Variants in STX17 observed in about 807,000 individuals in gnomAD.
The protein encoded by STX17 is syntaxin 17.
In STX17, 29 loss-of-function variants were observed where a neutral mutation model predicts 35.9. The ratio of observed to expected loss-of-function variants is 0.81; its 90% confidence interval spans 0.60 to 1.10. The LOEUF is 1.10. Ranked by LOEUF, STX17 falls within the 50% of genes least tolerant of loss-of-function variation. The pLI, the probability that STX17 is intolerant of heterozygous loss-of-function variation, is 0.00. For missense variants in STX17, 312 were observed against 352.3 expected, an observed-to-expected ratio of 0.89 and a Z score of 0.92; for synonymous variants, 92 against 118.3, an observed-to-expected ratio of 0.78 and a Z score of 1.44.
chr9:99,968,392 T>A, intron 7 of STX17, 42 bp from the exon 8 acceptor site: 1 of 1,518,446 alleles, frequency 6.6e-7, no homozygotes, highest in South Asian at 1.4e-5. Context: ...AGGCAGATAT[T>A]CTCAACTCAG....
In STX17 at chr9:99,951,113, G is replaced by C; in HGVS notation, c.243G>C (p.Lys81Asn). 1.2e-6 allele frequency: 2 copies of C among 1,612,576 alleles called. No homozygotes were observed. Among genetic ancestry groups the C allele is most frequent in the Non-Finnish European group, 1.7e-6 (2 of 1,178,960 alleles). ...EIEKLCLKVR[K>N]DDLVLLKRMI... ...AGAAACTTTGTTTGAAAGTCCGAAA[G>C]GATGACCTAGTACTTCTGAAGAGAA... is the stretch of plus-strand genomic sequence containing the variant. Residue 81 changes from lysine (K) to asparagine (N), a missense_variant, in exon 4 of 8, where the codon AAG becomes AAC. Transcript: ENST00000259400.
At chr9:99,961,592 T>C (rs1174307814) in intron 6 of STX17, among the ~76,000 whole-genome samples, 1 of 152,136 alleles carries the variant, frequency 6.6e-6, no homozygotes, top group Non-Finnish European at 1.5e-5. Context: ...CGTGTGTATG[T>C]ATATTTATGT....
chr9:99,927,767 G>A (rs984363900), intron 2 of STX17, among the ~76,000 whole-genome samples: 1 of 152,182 alleles, frequency 6.6e-6, no homozygotes, highest in Non-Finnish European at 1.5e-5. Context: ...ATGAGCCACC[G>A]CGCCTGGCCG....
chr9:99,956,360 A>G (rs890821436), intron 4 of STX17, among the ~76,000 whole-genome samples: 2 of 152,138 alleles, frequency 1.3e-5, no homozygotes, highest in African/African-American at 4.8e-5. Context: ...CTTTAATAGT[A>G]CATAAATTAT....
intron 3 of STX17, among the ~76,000 whole-genome samples, chr9:99,935,782 A>T (rs1410934488): frequency 6.6e-6 from 1 of 152,222 alleles, no homozygotes; most frequent in Non-Finnish European, 1.5e-5. Flanking sequence ...ATTTGAGCAG[A>T]GATCTAAAGG....
At chr9:99,923,269 T>C (rs1054429726) in intron 2 of STX17, among the ~76,000 whole-genome samples, 3 of 152,130 alleles carry the variant, frequency 2.0e-5, no homozygotes, top group Non-Finnish European at 4.4e-5. Context: ...TAATAATTCA[T>C]GGGAAAGCTG....
At chr9:99,921,342 A>G (rs1828882169) in intron 2 of STX17, among the ~76,000 whole-genome samples, 1 of 152,128 alleles carries the variant, frequency 6.6e-6, no homozygotes, top group African/African-American at 2.4e-5. Flanking sequence ...TATGAATTAC[A>G]TGTATTGAAT....
At chr9:99,928,926 C>T (rs1829049729) in intron 3 of STX17, 83 bp downstream of exon 3, 1 of 1,236,236 alleles carries the variant, frequency 8.1e-7, no homozygotes, top group Non-Finnish European at 1.2e-6. Context: ...ACCTTTGCAG[C>T]TGAACCCTTT....
intron 7 of STX17, 29 bp downstream of exon 7, chr9:99,967,768 A>G (rs201510073): frequency 2.0e-5 from 32 of 1,593,396 alleles, no homozygotes; most frequent in Admixed American, 5.0e-5. Context: ...TGACAAATCA[A>G]TGGTACTCTG....
At chr9:99,945,734 T>G (rs1829468653) in intron 3 of STX17, 2 of 408,360 alleles carry the variant, frequency 4.9e-6, no homozygotes, top group South Asian at 3.6e-5. Flanking sequence ...GAACTACATT[T>G]GAGCCTTCTC....
intron 3 of STX17, among the ~76,000 whole-genome samples, chr9:99,934,029 A>G (rs971947343): frequency 6.6e-6 from 1 of 152,226 alleles, no homozygotes; most frequent in African/African-American, 2.4e-5. Context: ...AAACCTTAGT[A>G]AAAGTTAATG....
At position 99,968,764 on chromosome 9, in the gene STX17, A is replaced by G. The variant is rs1290592035; in HGVS notation, c.*91A>G. The G allele has an allele frequency of 6.6e-7, 1 of 1,525,988 alleles. No homozygotes were observed. Among genetic ancestry groups the G allele is most frequent in the African/African-American group, 1.4e-5 (1 of 72,186 alleles). 94.5% of individuals were successfully genotyped at this position (1,525,988 alleles called of 1,614,324 possible). On this transcript the variant is annotated 3_prime_UTR_variant, in exon 8 of 8. Coordinates refer to ENST00000259400, the MANE Select transcript of STX17 (RefSeq NM_017919.3). ...CTCCGTCACCTTTTGGAACACAAGT[A>G]TATCAAGATAGTGGCTACTGATGTT...
intron 3 of STX17, among the ~76,000 whole-genome samples, chr9:99,949,352 T>C (rs541085031): frequency 7.9e-4 from 120 of 152,110 alleles, no homozygotes; most frequent in African/African-American, 2.8e-3. Flanking sequence ...TGCTTTAGGT[T>C]GTAACTAAAC....
At chr9:99,951,324 G>C (rs770264900) in intron 4 of STX17, 39 bp downstream of exon 4, 3 of 1,582,418 alleles carry the variant, frequency 1.9e-6, no homozygotes, top group East Asian at 4.5e-5. Flanking sequence ...AGTCACAGTA[G>C]TGCAGTTAAT....
chr9:99,948,386 T>A (rs565272692), intron 3 of STX17, among the ~76,000 whole-genome samples: 9 of 152,262 alleles, frequency 5.9e-5, no homozygotes, highest in African/African-American at 9.6e-5. Context: ...TAATGTAATT[T>A]AAAAAATTTT....
chr9:99,917,490 A>G (rs763599881), intron 2 of STX17, among the ~76,000 whole-genome samples: 1 of 152,214 alleles, frequency 6.6e-6, no homozygotes, highest in Non-Finnish European at 1.5e-5. Flanking sequence ...GTCATCCAAT[A>G]TGAATTTAAA....
rs572817171 is a variant in STX17, at chr9:99,912,721, C to T, written c.-62-2457C>T. On this transcript the variant is annotated intron_variant, in intron 1 of 7. Transcript: ENST00000259400. The stretch of plus-strand genomic sequence containing the variant: ...AATTTGTAAAATTGTGAAGCATCTA[C>T]GTAATTATAGAAAATTATTTACATG... Among the ~76,000 whole-genome samples, 12 of 152,206 alleles carry T rather than the reference C, an allele frequency of 7.9e-5. No homozygotes were observed. The South Asian group carries it at 1.2e-3, about 16-fold the overall frequency.
intron 3 of STX17, among the ~76,000 whole-genome samples, chr9:99,936,668 T>C (rs1301568683): frequency 6.6e-6 from 1 of 152,192 alleles, no homozygotes. Flanking sequence ...AGTGGTATTA[T>C]TCTATTTCAC....
intron 3 of STX17, among the ~76,000 whole-genome samples, chr9:99,932,665 A>G (rs962197312): frequency 3.3e-5 from 5 of 152,196 alleles, no homozygotes; most frequent in Admixed American, 6.5e-5. Flanking sequence ...ATTTGCGTAT[A>G]TATTTACCGT....
Sources: gnomAD v4.1 joint callset for allele counts (sites outside exome capture counted in the v4.1 genomes callset) on GRCh38, gnomAD v4.1.1 for gene constraint, MANE v1.5 for transcripts, NCBI Gene and HGNC (gene_info 2026-07-23, HGNC 2026-07-21) for gene names.